RGPD2: variants seen among roughly 807,000 people sequenced by gnomAD.
The protein encoded by RGPD2 is RANBP2 like and GRIP domain containing 2.
RGPD2 carries 2 observed loss-of-function variants against 36.0 expected under a neutral mutation model. That is an observed-to-expected ratio of 0.06 (90% CI 0.02 to 0.17). The LOEUF (loss-of-function observed/expected upper bound fraction) is 0.17. RGPD2 is among the 10% of genes least tolerant of loss of function. The pLI is 1.00. For synonymous variants in RGPD2, 19 were observed against 163.8 expected, an observed-to-expected ratio of 0.12 and a Z score of 6.75; for missense variants, 40 against 464.3, an observed-to-expected ratio of 0.09 and a Z score of 8.40.
In RGPD2 at chr2:87,769,471, T is replaced by C. The variant is rs1685056875; in HGVS notation, c.5236+2698A>G. ...CAAATGCACATCTTAGAGTTCTGGG[T>C]TTCTAATGTGTATCTCCTCTATGAA... On this transcript the variant is annotated intron_variant, in intron 22 of 22. Coordinates refer to ENST00000398146, the MANE Select transcript of RGPD2 (RefSeq NM_001078170.3). Among the ~76,000 whole-genome samples the C allele has an allele frequency of 2.0e-5, 3 of 148,860 alleles. No individual in the cohort carries two copies. The South Asian group carries it at 6.6e-4, about 33-fold the overall frequency.
the RGPD2 span, among the ~76,000 whole-genome samples, chr2:87,988,541 A>ATATATATATATATATATATATATATTTT: frequency 3.7e-5 from 2 of 54,142 alleles, no homozygotes; most frequent in African/African-American, 8.9e-5. Context: ...ATATATATAT[A>ATATATATATATATATATATATATATTTT]TTTTTTTTTT....
the RGPD2 span, among the ~76,000 whole-genome samples, chr2:87,897,446 G>T: frequency 6.6e-6 from 1 of 150,734 alleles, no homozygotes; most frequent in Admixed American, 6.6e-5. Flanking sequence ...CACAATGAAT[G>T]CCTTTTTATT....
At chr2:87,915,493 ACG>A in the RGPD2 span, among the ~76,000 whole-genome samples, 1 of 117,458 alleles carries the variant, frequency 8.5e-6, no homozygotes, top group South Asian at 2.3e-4. Flanking sequence ...GTGTGTATAT[ACG>A]TATATATACA....
At chr2:87,929,487 A>G in the RGPD2 span, among the ~76,000 whole-genome samples, 882 of 137,000 alleles carry the variant, frequency 6.4e-3, 14 homozygotes, top group East Asian at 0.048. Flanking sequence ...GTGTGTGTGT[A>G]TGTGTGTGTG....
chr2:87,812,945 C>T (rs1238097350), intron 4 of RGPD2, among the ~76,000 whole-genome samples: 1 of 151,148 alleles, frequency 6.6e-6, no homozygotes, highest in Non-Finnish European at 1.5e-5. Context: ...CCTCAACCAT[C>T]CACTTGCCAC....
chr2:87,871,852 T>G, the RGPD2 span, among the ~76,000 whole-genome samples: 2 of 133,226 alleles, frequency 1.5e-5, no homozygotes, highest in African/African-American at 2.9e-5. Flanking sequence ...GCAGCAAGAG[T>G]GAAACTCTGT....
the RGPD2 span, among the ~76,000 whole-genome samples, chr2:87,964,987 C>T: frequency 6.6e-6 from 1 of 152,008 alleles, no homozygotes; most frequent in Non-Finnish European, 1.5e-5. Context: ...ACCTTACCCC[C>T]ACCAAACTAG....
At chr2:87,985,915 C>T in the RGPD2 span, 1 of 1,571,754 alleles carries the variant, frequency 6.4e-7, no homozygotes, top group African/African-American at 1.4e-5. Context: ...CATGTTTGTA[C>T]TATTAAAAGC....
At chr2:87,973,431 G>T in the RGPD2 span, among the ~76,000 whole-genome samples, 218 of 134,312 alleles carry the variant, frequency 1.6e-3, 3 homozygotes, top group Non-Finnish European at 2.8e-3. Flanking sequence ...ATTCTGTACC[G>T]CAGGTCTTTC....
Position 87,756,541 on chromosome 2 carries a change from T to A in RGPD2, c.*851A>T, listed in dbSNP as rs1187999233. On this transcript the variant is annotated 3_prime_UTR_variant, in exon 23 of 23. Transcript: ENST00000398146. ...TGATTCCACTAGAATGTGAGCTCTATGATGGCCAAGCCTCTGGCTGCACTG... is the reference window on the plus strand; with the variant it reads ...TGATTCCACTAGAATGTGAGCTCTAAGATGGCCAAGCCTCTGGCTGCACTG... 3.0e-6 allele frequency: 1 copy of A among 333,842 alleles called. No individual in the cohort carries two copies. Among genetic ancestry groups the A allele is most frequent in the Non-Finnish European group, 5.7e-6 (1 of 174,252 alleles). 20.7% of individuals were successfully genotyped at this position (333,842 alleles called of 1,614,324 possible).
chr2:87,884,491 TAAAG>T, the RGPD2 span, among the ~76,000 whole-genome samples: 26 of 151,566 alleles, frequency 1.7e-4, 1 homozygote, highest in African/African-American at 6.1e-4. Context: ...AAAATAGAAA[TAAAG>T]AGAATAAGAG....
At chr2:87,809,156 T>A (rs1686051250) in intron 6 of RGPD2, among the ~76,000 whole-genome samples, 1 of 150,054 alleles carries the variant, frequency 6.7e-6, no homozygotes, top group South Asian at 2.2e-4. Flanking sequence ...ATACAAAAAA[T>A]TAGCTGGGTG....
At chr2:87,855,278 CTA>C in the RGPD2 span, among the ~76,000 whole-genome samples, 35 of 152,092 alleles carry the variant, frequency 2.3e-4, no homozygotes, top group South Asian at 7.3e-3. Context: ...TATGGTAGCG[CTA>C]TGTTTAGTTT....
the RGPD2 span, among the ~76,000 whole-genome samples, chr2:87,988,211 T>C: frequency 2.6e-5 from 3 of 114,864 alleles, no homozygotes; most frequent in African/African-American, 8.8e-5. Context: ...ACATTTTGTT[T>C]ACTAAGCTAT....
chr2:87,798,740 C>T lies in RGPD2; in HGVS notation c.1064-566G>A, dbSNP rs1336241281. Reference sequence around the variant, plus strand: ...AAAATTAGCCGGCCCTGGTGGCGGGCGCCTGTAGTCCCAGCTACTGGGGAG... The same window carrying T: ...AAAATTAGCCGGCCCTGGTGGCGGGTGCCTGTAGTCCCAGCTACTGGGGAG... On this transcript the variant is annotated intron_variant, in intron 8 of 22. Transcript: ENST00000398146. 2.3e-5 allele frequency among the ~76,000 whole-genome samples: 3 copies of T among 132,480 alleles called. 1 individual carries two copies. Among genetic ancestry groups the T allele is most frequent in the Non-Finnish European group, 3.3e-5 (2 of 60,500 alleles). The allele number at this position is 132,480 out of a possible 152,430, so 86.9% of individuals were successfully genotyped here.
the RGPD2 span, among the ~76,000 whole-genome samples, chr2:87,957,243 G>GGGT: frequency 2.1e-5 from 3 of 140,356 alleles, no homozygotes; most frequent in Non-Finnish European, 4.7e-5. Context: ...CACTGGGGGG[G>GGGT]GGCTCTCATT....
Position 87,814,011 on chromosome 2 carries a change from A to G in RGPD2, c.403-1805T>C, listed in dbSNP as rs866327030. 6.4e-3 allele frequency among the ~76,000 whole-genome samples: 974 copies of G among 151,382 alleles called. 13 individuals carry two copies. The highest frequency in any genetic ancestry group is 0.023 in the African/African-American group (938 of 41,190). On this transcript the variant is annotated intron_variant, in intron 4 of 22. Transcript: ENST00000398146. Reference sequence around the variant, plus strand: ...CAAGAAAACAATCTCCTGCCATTACATATGTTCTTTAACACTACTGACACC... The same window carrying G: ...CAAGAAAACAATCTCCTGCCATTACGTATGTTCTTTAACACTACTGACACC...
the RGPD2 span, chr2:87,985,857 A>G: frequency 6.2e-7 from 1 of 1,610,516 alleles, no homozygotes; most frequent in Non-Finnish European, 8.5e-7. Context: ...CTTGACAAGC[A>G]TCTGAACTGC....
chr2:87,860,367 C>G, the RGPD2 span, among the ~76,000 whole-genome samples: 1,174 of 151,476 alleles, frequency 7.8e-3, 11 homozygotes, highest in Middle Eastern at 0.017. Context: ...GGCACTGATC[C>G]CATTCATGAA....
Sources: allele counts gnomAD v4.1 joint callset (sites outside exome capture counted in the v4.1 genomes callset), GRCh38; gene constraint gnomAD v4.1.1; transcripts MANE v1.5; gene names NCBI Gene and HGNC (gene_info 2026-07-23, HGNC 2026-07-21).